SRGAP3: variants seen among roughly 807,000 people sequenced by gnomAD.
SRGAP3 encodes the protein SLIT-ROBO Rho GTPase-activating protein 3.
Under a neutral mutation model 121.1 loss-of-function variants are expected in SRGAP3, and 39 were observed. The ratio of observed to expected loss-of-function variants is 0.32; its 90% CI spans 0.25 to 0.42. The LOEUF is 0.42. Ranked by LOEUF, SRGAP3 falls within the 10% of genes least tolerant of loss-of-function variation. The probability of loss-of-function intolerance (pLI) is 1.00; values close to 1 mark genes in which losing one functional copy is unlikely to be tolerated. For missense variants in SRGAP3, 1,213 were observed against 1,470.6 expected (o/e 0.82, Z 2.86); for synonymous variants, 601 against 570.0 (o/e 1.05, Z -0.77).
intron 4 of SRGAP3, among the ~76,000 whole-genome samples, chr3:9,067,466 T>G (rs1475433127): frequency 6.6e-6 from 1 of 151,978 alleles, no homozygotes; most frequent in African/African-American, 2.4e-5. Context: ...TCATCCTCTG[T>G]GTATGCCAGT....
intron 1 of SRGAP3, among the ~76,000 whole-genome samples, chr3:9,175,370 C>T (rs1951140839): frequency 6.6e-6 from 1 of 152,206 alleles, no homozygotes; most frequent in Non-Finnish European, 1.5e-5. Flanking sequence ...TTGTTTGCCT[C>T]TGTATCCCCA....
intron 1 of SRGAP3, among the ~76,000 whole-genome samples, chr3:9,198,707 G>A (rs114447330): frequency 1.7e-3 from 260 of 152,286 alleles, no homozygotes; most frequent in African/African-American, 5.0e-3. Flanking sequence ...GGATGAATAC[G>A]TCAATAGGTG....
intron 18 of SRGAP3, among the ~76,000 whole-genome samples, chr3:9,008,860 C>A (rs1943217507): frequency 6.6e-6 from 1 of 152,158 alleles, no homozygotes; most frequent in Admixed American, 6.5e-5. Context: ...AGACTCCACC[C>A]CAGGACCTCT....
chr3:9,089,578 T>C (rs1947656349), intron 3 of SRGAP3, among the ~76,000 whole-genome samples: 1 of 152,160 alleles, frequency 6.6e-6, no homozygotes, highest in South Asian at 2.1e-4. Flanking sequence ...ATGCACTTTC[T>C]TATCACCTGT....
chr3:9,115,356 T>C (rs905298901), intron 2 of SRGAP3, among the ~76,000 whole-genome samples: 4 of 152,258 alleles, frequency 2.6e-5, no homozygotes, highest in Non-Finnish European at 1.5e-5. Context: ...TACATATTAC[T>C]GTTTGTGAAA....
chr3:9,014,146 G>T (rs977996131), intron 15 of SRGAP3: 47 of 448,590 alleles, frequency 1.0e-4, no homozygotes, highest in Non-Finnish European at 1.6e-4. Context: ...GGAGCACAGT[G>T]GGGGCCCCTG....
At chr3:9,025,535 T>C (rs1330249798) in intron 13 of SRGAP3, among the ~76,000 whole-genome samples, 197 bp from the exon 14 acceptor site, 1 of 152,144 alleles carries the variant, frequency 6.6e-6, no homozygotes, top group Admixed American at 6.6e-5. Context: ...CTTGGACACA[T>C]CTGCTTCAAA....
chr3:8,988,193 A>C (rs1048964274), intron 21 of SRGAP3, among the ~76,000 whole-genome samples: 1 of 152,078 alleles, frequency 6.6e-6, no homozygotes, highest in African/African-American at 2.4e-5. Context: ...ATTGCTTTTC[A>C]TCTCCTCCCC....
At chr3:9,275,668 C>T (rs1286485765) in intron 3 of SRGAP3, among the ~76,000 whole-genome samples, 1 of 152,210 alleles carries the variant, frequency 6.6e-6, no homozygotes, top group Non-Finnish European at 1.5e-5. Flanking sequence ...TTTCACTTGG[C>T]TCTCATTCTC....
chr3:8,981,140 G>A lies in SRGAP3; in HGVS notation c.*4379C>T, dbSNP rs575884643. On this transcript the variant is annotated 3_prime_UTR_variant, in exon 22 of 22. Coordinates refer to ENST00000383836, the MANE Select transcript of SRGAP3 (RefSeq NM_014850.4). The stretch of plus-strand genomic sequence containing the variant: ...AGGGAGGTCAGGAGGGCTTGGACCT[G>A]ACAGCAAAGTCCCTTCTCTCGGCTC... 5.4e-4 allele frequency: 127 copies of A among 233,210 alleles called. 1 individual carries two copies. Among genetic ancestry groups the A allele is most frequent in the African/African-American group, 2.6e-3 (116 of 45,474 alleles). 14.4% of individuals were successfully genotyped at this position (233,210 alleles called of 1,614,324 possible). A position where few individuals can be genotyped will look rare whatever the true frequency, so the allele number is the denominator to read the frequency against.
At chr3:9,163,889 A>G (rs1442196810) in intron 1 of SRGAP3, among the ~76,000 whole-genome samples, 2 of 150,306 alleles carry the variant, frequency 1.3e-5, no homozygotes, top group Non-Finnish European at 2.9e-5. Flanking sequence ...GGGACTTAGT[A>G]CCCATTGTTT....
intron 4 of SRGAP3, among the ~76,000 whole-genome samples, chr3:9,073,690 C>G (rs983644659): frequency 2.6e-5 from 4 of 152,220 alleles, no homozygotes; most frequent in African/African-American, 9.6e-5. Context: ...AGCATTTAGA[C>G]CAGCCCCTGG....
chr3:9,348,728 G>C, intron 1 of SRGAP3: 2 of 1,274,102 alleles, frequency 1.6e-6, no homozygotes, highest in East Asian at 2.3e-5. Flanking sequence ...GGGTCTGATC[G>C]GTCTCAATAA....
At chr3:9,104,229 G>GA (rs1948325814) in intron 3 of SRGAP3, among the ~76,000 whole-genome samples, 1 of 152,130 alleles carries the variant, frequency 6.6e-6, no homozygotes, top group Non-Finnish European at 1.5e-5. Context: ...ATCTGATTTA[G>GA]AAAAAATGCA....
intron 18 of SRGAP3, chr3:9,007,197 T>G (rs1298247609): frequency 1.3e-5 from 2 of 152,168 alleles, no homozygotes; most frequent in African/African-American, 4.8e-5. Flanking sequence ...CTCGAATTCC[T>G]GGGCTCAAGT....
At chr3:9,046,200 G>A (rs551655705) in intron 10 of SRGAP3, among the ~76,000 whole-genome samples, 83 of 151,370 alleles carry the variant, frequency 5.5e-4, no homozygotes, top group African/African-American at 1.8e-3. Flanking sequence ...TTTTATTTCC[G>A]TCAGCCCCCA....
At chr3:9,139,287 T>C (rs1949769191) in intron 1 of SRGAP3, among the ~76,000 whole-genome samples, 1 of 152,090 alleles carries the variant, frequency 6.6e-6, no homozygotes, top group Non-Finnish European at 1.5e-5. Flanking sequence ...AACCTGGGAA[T>C]GTTACCTTCA....
chr3:9,209,265 A>G (rs441300), intron 1 of SRGAP3, among the ~76,000 whole-genome samples: 62,638 of 152,062 alleles, frequency 0.41, 13,388 homozygotes, highest in East Asian at 0.59. Context: ...ACGGTTTTGG[A>G]GGAATAAAAG....
chr3:9,004,838 T>A (rs1001467600), intron 18 of SRGAP3, among the ~76,000 whole-genome samples: 18 of 152,116 alleles, frequency 1.2e-4, no homozygotes, highest in Non-Finnish European at 7.4e-5. Context: ...CAGGAATACA[T>A]CCTCATGAAC....
Sources: allele counts gnomAD v4.1 joint callset (sites outside exome capture counted in the v4.1 genomes callset), GRCh38; gene constraint gnomAD v4.1.1; transcripts MANE v1.5; gene names NCBI Gene and HGNC (gene_info 2026-07-23, HGNC 2026-07-21).